KCNJ6: variants seen among roughly 807,000 people sequenced by gnomAD.
KCNJ6 encodes potassium inwardly rectifying channel subfamily J member 6, also known as G protein-activated inward rectifier potassium channel 2.
Under a neutral mutation model 34.2 loss-of-function variants are expected in KCNJ6, and 9 were observed. The ratio of observed to expected loss-of-function variants is 0.26; its 90% confidence interval spans 0.16 to 0.46. KCNJ6 has a LOEUF of 0.46. Among genes scored for constraint, KCNJ6 ranks in the 20% least tolerant of loss-of-function variants. The pLI is 1.00. For synonymous variants in KCNJ6, 196 were observed against 207.1 expected, an observed-to-expected ratio of 0.95 and a Z score of 0.46; for missense variants, 236 against 531.3, an observed-to-expected ratio of 0.44 and a Z score of 5.46.
At chr21:37,872,552 T>G (rs2055657883) in intron 1 of KCNJ6, among the ~76,000 whole-genome samples, 1 of 152,194 alleles carries the variant, frequency 6.6e-6, no homozygotes, top group Non-Finnish European at 1.5e-5. Flanking sequence ...CTAACTGCAC[T>G]CCCAAGGCTC....
intron 2 of KCNJ6, among the ~76,000 whole-genome samples, chr21:37,814,385 C>T (rs2055336286): frequency 6.6e-6 from 1 of 152,148 alleles, no homozygotes; most frequent in Non-Finnish European, 1.5e-5. Context: ...CCTTAAAAAA[C>T]TAAAAATTGG....
At chr21:37,722,134 G>A (rs1382265627) in intron 2 of KCNJ6, among the ~76,000 whole-genome samples, 2 of 151,992 alleles carry the variant, frequency 1.3e-5, no homozygotes, top group African/African-American at 4.8e-5. Context: ...AAAAATCAGT[G>A]TCATTTCTAT....
Position 37,780,968 on chromosome 21 carries a change from A to G in KCNJ6, c.25+59690T>C, listed in dbSNP as rs1601468188. Among the ~76,000 whole-genome samples, 3 of 152,344 alleles carry G rather than the reference A, an allele frequency of 2.0e-5. 1 individual carries two copies. The highest frequency in any genetic ancestry group is 3.9e-4 in the East Asian group (2 of 5,190). ...GAGAAAGAAATAACAAACATGGCCTATTTGCCTCATGTTCCAACAAAGGGT... is the reference window on the plus strand; with the variant it reads ...GAGAAAGAAATAACAAACATGGCCTGTTTGCCTCATGTTCCAACAAAGGGT... On this transcript the variant is annotated intron_variant, in intron 2 of 3. Coordinates refer to ENST00000609713, the MANE Select transcript of KCNJ6 (RefSeq NM_002240.5).
chr21:37,749,707 C>G (rs564078593), intron 2 of KCNJ6, among the ~76,000 whole-genome samples: 1 of 152,188 alleles, frequency 6.6e-6, no homozygotes, highest in South Asian at 2.1e-4. Flanking sequence ...GAACTTCTAC[C>G]CTATTAGCTT....
chr21:37,728,068 G>GA (rs1175844343), intron 2 of KCNJ6, among the ~76,000 whole-genome samples: 3 of 152,182 alleles, frequency 2.0e-5, no homozygotes, highest in Non-Finnish European at 4.4e-5. Flanking sequence ...TCCATCAACA[G>GA]AAAAATGGAT....
At chr21:37,759,232 G>A (rs1460181115) in intron 2 of KCNJ6, among the ~76,000 whole-genome samples, 1 of 152,178 alleles carries the variant, frequency 6.6e-6, no homozygotes, top group African/African-American at 2.4e-5. Flanking sequence ...CGCCAGCTCT[G>A]CCACAGGGCC....
intron 3 of KCNJ6, among the ~76,000 whole-genome samples, chr21:37,683,532 C>T (rs1267334992): frequency 1.3e-5 from 2 of 152,198 alleles, no homozygotes; most frequent in African/African-American, 2.4e-5. Context: ...TTGCGCATTG[C>T]AGATAACACT....
intron 2 of KCNJ6, among the ~76,000 whole-genome samples, chr21:37,735,971 T>C (rs1366575042): frequency 6.6e-6 from 1 of 152,086 alleles, no homozygotes; most frequent in Non-Finnish European, 1.5e-5. Context: ...ACTCTGAGAA[T>C]AATGGAGAAT....
intron 2 of KCNJ6, among the ~76,000 whole-genome samples, chr21:37,754,226 C>T (rs1416239244): frequency 6.6e-6 from 1 of 152,156 alleles, no homozygotes; most frequent in Non-Finnish European, 1.5e-5. Context: ...ATCTTTAGAA[C>T]AATGAGGCTT....
At chr21:37,639,780 G>A (rs1473500694) in intron 3 of KCNJ6, among the ~76,000 whole-genome samples, 1 of 152,188 alleles carries the variant, frequency 6.6e-6, no homozygotes, top group Non-Finnish European at 1.5e-5. Context: ...ACTGGATCAT[G>A]GAGGCAGATT....
chr21:37,906,854 A>G lies in KCNJ6; in HGVS notation c.-28+9030T>C, dbSNP rs372647339. The stretch of plus-strand genomic sequence containing the variant: ...CTGCCCTCTCTTTATATGCTTTACT[A>G]CTGTGGGCCCAGCCACCCCAGGAGG... On this transcript the variant is annotated intron_variant, in intron 1 of 3. Coordinates refer to ENST00000609713, the MANE Select transcript of KCNJ6 (RefSeq NM_002240.5). Among the ~76,000 whole-genome samples the G allele has an allele frequency of 1.1e-3, 168 of 152,254 alleles. 1 individual carries two copies. The highest frequency in any genetic ancestry group is 3.9e-3 in the African/African-American group (163 of 41,542).
chr21:37,685,706 A>AAAAAAAAAAAAAAAAAG lies in KCNJ6; in HGVS notation c.946+28504_946+28505insCTTTTTTTTTTTTTTTT, dbSNP rs78443969. Among the ~76,000 whole-genome samples, 7 of 51,008 alleles carry AAAAAAAAAAAAAAAAAG rather than the reference A, an allele frequency of 1.4e-4. 3 individuals carry two copies. The highest frequency in any genetic ancestry group is 3.9e-4 in the African/African-American group (7 of 18,032). The allele number at this position is 51,008 out of a possible 152,430, so 33.5% of individuals were successfully genotyped here. On this transcript the variant is annotated intron_variant, in intron 3 of 3. Coordinates refer to ENST00000609713, the MANE Select transcript of KCNJ6 (RefSeq NM_002240.5). ...CAAAAAAAAAAAAAAAAAAAAAAAA[A>AAAAAAAAAAAAAAAAAG]AATCTATCCTATGGATATCAGAGGT...
intron 2 of KCNJ6, among the ~76,000 whole-genome samples, chr21:37,787,119 A>T (rs368850299): frequency 6.6e-6 from 1 of 152,208 alleles, no homozygotes; most frequent in South Asian, 2.1e-4. Flanking sequence ...TCAGGCCAGC[A>T]TCTCAGAAAA....
Position 37,610,620 on chromosome 21 carries a change from A to AAAAAAAAAAAAAAAAAAAAAAAAG in KCNJ6, c.*14538_*14539insCTTTTTTTTTTTTTTTTTTTTTTT, listed in dbSNP as rs34782067. ...TCTTAAAAAAAAAAAAAAAAAAAAAAGGAATACAAGTCCTACAATGTTTGC... is the reference window on the plus strand; with the variant it reads ...TCTTAAAAAAAAAAAAAAAAAAAAAAAAAAAAAAAAAAAAAAAAAAAAAGGGAATACAAGTCCTACAATGTTTGC... On this transcript the variant is annotated 3_prime_UTR_variant, in exon 4 of 4. Coordinates refer to ENST00000609713, the MANE Select transcript of KCNJ6 (RefSeq NM_002240.5). 2.0e-5 allele frequency: 3 copies of AAAAAAAAAAAAAAAAAAAAAAAAG among 149,634 alleles called. No individual in the cohort carries two copies. The highest frequency in any genetic ancestry group is 7.3e-5 in the African/African-American group (3 of 40,886). The allele number at this position is 149,634 out of a possible 1,614,324, so 9.3% of individuals were successfully genotyped here.
intron 2 of KCNJ6, among the ~76,000 whole-genome samples, chr21:37,734,226 G>C (rs2054901181): frequency 6.6e-6 from 1 of 152,120 alleles, no homozygotes; most frequent in Admixed American, 6.5e-5. Context: ...TCACTAGCGG[G>C]GAGAAACCAG....
chr21:37,822,098 C>A (rs1429338673), intron 2 of KCNJ6, among the ~76,000 whole-genome samples: 1 of 152,198 alleles, frequency 6.6e-6, no homozygotes, highest in Non-Finnish European at 1.5e-5. Flanking sequence ...TGAACTGCAA[C>A]CTGAAGCTAC....
At chr21:37,758,342 T>C (rs1262105474) in intron 2 of KCNJ6, among the ~76,000 whole-genome samples, 2 of 152,116 alleles carry the variant, frequency 1.3e-5, no homozygotes, top group Admixed American at 6.5e-5. Context: ...TAATAGCAGT[T>C]ATTTTGGGAG....
intron 3 of KCNJ6, among the ~76,000 whole-genome samples, chr21:37,626,788 T>C (rs2054313338): frequency 6.6e-6 from 1 of 152,224 alleles, no homozygotes; most frequent in South Asian, 2.1e-4. Flanking sequence ...CCCGTGAAAA[T>C]GTTTTAACTC....
chr21:37,836,791 T>C (rs2123573993), intron 2 of KCNJ6, among the ~76,000 whole-genome samples: 1 of 152,106 alleles, frequency 6.6e-6, no homozygotes, highest in East Asian at 1.9e-4. Flanking sequence ...CTAATGTAGA[T>C]GATGGGTTGA....
Sources: gnomAD v4.1 joint callset for allele counts (sites outside exome capture counted in the v4.1 genomes callset) on GRCh38, gnomAD v4.1.1 for gene constraint, MANE v1.5 for transcripts, NCBI Gene and HGNC (gene_info 2026-07-23, HGNC 2026-07-21) for gene names.